Variants in PHLPP2 observed in about 807,000 individuals in gnomAD.
PHLPP2 encodes PH domain and leucine rich repeat protein phosphatase 2, also known as PH domain leucine-rich repeat-containing protein phosphatase 2.
In PHLPP2, 66 loss-of-function variants were observed where a neutral mutation model predicts 124.9. That is an observed-to-expected ratio of 0.53 (90% confidence interval 0.43 to 0.65). PHLPP2 has a LOEUF of 0.65. PHLPP2 is among the 30% of genes least tolerant of loss of function. The pLI, the probability that PHLPP2 is intolerant of heterozygous loss-of-function variation, is 0.00. For synonymous variants in PHLPP2, 681 were observed against 624.7 expected (o/e 1.09, Z -1.34); for missense variants, 1,685 against 1,600.4 (o/e 1.05, Z -0.90).
Position 71,667,256 on chromosome 16 carries a change from T to G in PHLPP2, c.1706A>C (p.His569Pro), listed in dbSNP as rs1218948665. 2.5e-6 allele frequency: 4 copies of G among 1,613,922 alleles called. No homozygotes were observed. The highest frequency in any genetic ancestry group is 3.4e-6 in the Non-Finnish European group (4 of 1,179,876). The part of the protein sequence containing the change: ...HVQNLPTLVE[H>P]IPLEVLDLQH... Reference sequence around the variant, plus strand: ...AAGATCCAGCACCTCGAGGGGGATGTGCTCTACCAGTGTTGGAAGGTTTTG... The same window carrying G: ...AAGATCCAGCACCTCGAGGGGGATGGGCTCTACCAGTGTTGGAAGGTTTTG... Residue 569 changes from histidine to proline, a missense_variant, in exon 12 of 19, where the codon CAC (histidine) becomes CCC (proline). By Grantham distance (77) the His-to-Pro change is moderately conservative. Coordinates refer to ENST00000568954, the MANE Select transcript of PHLPP2 (RefSeq NM_015020.3).
chr16:71,696,037 T>C (rs1180069916), intron 3 of PHLPP2, among the ~76,000 whole-genome samples: 1 of 152,074 alleles, frequency 6.6e-6, no homozygotes. Flanking sequence ...ACCCAATGTT[T>C]TAAATGCAAA....
intron 17 of PHLPP2, 36 bp from the exon 18 acceptor site, chr16:71,653,057 C>T (rs1165881315): frequency 1.5e-6 from 2 of 1,356,936 alleles, no homozygotes; most frequent in Admixed American, 3.4e-5. Flanking sequence ...GACGTGGTGG[C>T]TAGTTTTAGA....
chr16:71,685,136 A>G (rs965735567), intron 4 of PHLPP2, among the ~76,000 whole-genome samples: 5 of 152,148 alleles, frequency 3.3e-5, no homozygotes, highest in Admixed American at 6.5e-5. Flanking sequence ...GACGAGCCTG[A>G]TCAACATAGT....
chr16:71,724,572 TTTTC>T lies in PHLPP2; in HGVS notation c.-254_-251del, dbSNP rs1006752082. The T allele has an allele frequency of 2.8e-4, 42 of 152,352 alleles. No homozygotes were observed. The highest frequency in any genetic ancestry group is 7.9e-4 in the African/African-American group (33 of 41,586). 9.4% of individuals were successfully genotyped at this position (152,352 alleles called of 1,614,324 possible). ...AACTTTTAAAAGTTAACTTCTTTTC[TTTTC>T]TTTGTTTTGTTTTTCTTTTCGTTCT... On this transcript the variant is annotated 5_prime_UTR_variant, in exon 1 of 19. Coordinates refer to ENST00000568954, the MANE Select transcript of PHLPP2 (RefSeq NM_015020.3).
In PHLPP2 at chr16:71,704,655, C is replaced by T. The variant is rs369368331; in HGVS notation, c.285-1924G>A. ...GGGGAATGATCAAAGAAAAAAAAGC[C>T]TGTAACGACCAATAAAGATTGAATT... is the stretch of plus-strand genomic sequence containing the variant. On this transcript the variant is annotated intron_variant, in intron 2 of 18. Transcript: ENST00000568954. Among the ~76,000 whole-genome samples the T allele has an allele frequency of 3.1e-4, 47 of 152,136 alleles. 2 individuals carry two copies. In the South Asian group the frequency reaches 9.5e-3, roughly 31 times the overall value.
intron 10 of PHLPP2, 42 bp from the exon 11 acceptor site, chr16:71,669,412 A>G (rs1433516082): frequency 7.2e-7 from 1 of 1,390,336 alleles, no homozygotes; most frequent in Admixed American, 1.7e-5. Flanking sequence ...TTAAGATGAC[A>G]AGTGGAACTC....
intron 1 of PHLPP2, among the ~76,000 whole-genome samples, chr16:71,719,709 T>C (rs1424957670): frequency 6.7e-6 from 1 of 148,414 alleles, no homozygotes; most frequent in African/African-American, 2.4e-5. Flanking sequence ...GGAGACTCTG[T>C]CTTTAAAAAA....
intron 15 of PHLPP2, among the ~76,000 whole-genome samples, chr16:71,657,312 A>G (rs1014341582): frequency 2.6e-5 from 4 of 151,796 alleles, no homozygotes; most frequent in African/African-American, 9.7e-5. Flanking sequence ...TCCTGACCTC[A>G]GGTGATCCAC....
In PHLPP2 at chr16:71,647,970, C is replaced by T. The variant is rs1184252678; in HGVS notation, c.*920G>A. 1.3e-5 allele frequency: 2 copies of T among 152,556 alleles called. No individual in the cohort carries two copies. Among genetic ancestry groups the T allele is most frequent in the African/African-American group, 4.8e-5 (2 of 41,398 alleles). The allele number at this position is 152,556 out of a possible 1,614,324, so 9.5% of individuals were successfully genotyped here. A position where few individuals can be genotyped will look rare whatever the true frequency, so the allele number is the denominator to read the frequency against. On this transcript the variant is annotated 3_prime_UTR_variant, in exon 19 of 19. Transcript: ENST00000568954. ...CGGGCTGCCTCTAAGAAGATTGGCT[C>T]GAGTGCAGATTCAAAAATAAAAAGT...
In PHLPP2 at chr16:71,657,253, T is replaced by A. The variant is rs542370473; in HGVS notation, c.2280-572A>T. ...CCACCGCTCCCGGCTAATTTTTGTA[T>A]TTTTAATAGGGATGGAGTTTTGTCA... On this transcript the variant is annotated intron_variant, in intron 15 of 18. Transcript: ENST00000568954. 5.7e-4 allele frequency among the ~76,000 whole-genome samples: 87 copies of A among 152,190 alleles called. 2 individuals are homozygous for A. The South Asian group carries it at 0.018, about 31-fold the overall frequency.
chr16:71,681,814 T>C lies in PHLPP2; in HGVS notation c.827A>G (p.Tyr276Cys), dbSNP rs774406482. Reference sequence around the variant, plus strand: ...CATGAAGTTGTGTCGCAAGTTGAGGTAGGTAATATCTTGACTATAGAAGAG... The same window carrying C: ...CATGAAGTTGTGTCGCAAGTTGAGGCAGGTAATATCTTGACTATAGAAGAG... The part of the protein sequence containing the change: ...EHLFYSQDIT[Y>C]LNLRHNFMQL... Residue 276 changes from tyrosine to cysteine, a missense_variant, in exon 6 of 19, where the codon TAC (tyrosine) becomes TGC (cysteine). Physicochemically the swap from Tyr to Cys is radical, Grantham distance 194 (BLOSUM62 -2). Transcript: ENST00000568954. 402 of 1,613,754 alleles carry C rather than the reference T, an allele frequency of 2.5e-4. No individual in the cohort carries two copies. The highest frequency in any genetic ancestry group is 3.2e-4 in the Non-Finnish European group (381 of 1,179,902).
intron 4 of PHLPP2, among the ~76,000 whole-genome samples, chr16:71,687,862 T>C (rs1003483934): frequency 6.6e-6 from 1 of 152,218 alleles, no homozygotes; most frequent in African/African-American, 2.4e-5. Context: ...CTATTAGATG[T>C]ATACCAGAGC....
At position 71,649,941 on chromosome 16, in the gene PHLPP2, G is replaced by C; in HGVS notation, c.2921C>G (p.Thr974Ser). The change falls in exon 19 of 19, where the codon ACC becomes AGC. Residue 974 changes from threonine to serine, a missense_variant. Thr to Ser is a moderately conservative substitution (Grantham distance 58, BLOSUM62 1). Transcript: ENST00000568954. Reference protein sequence around the residue: ...PKPHISSTPLTIQDELLILGN... With the variant: ...PKPHISSTPLSIQDELLILGN... ...CAGAATCAGCAACTCATCTTGAATGGTCAGCGGAGTGGAAGATATGTGGGG... is the reference window on the plus strand; with the variant it reads ...CAGAATCAGCAACTCATCTTGAATGCTCAGCGGAGTGGAAGATATGTGGGG... 2 of 1,614,146 alleles carry C rather than the reference G, an allele frequency of 1.2e-6. No homozygotes were observed. Among genetic ancestry groups the C allele is most frequent in the South Asian group, 2.2e-5 (2 of 91,084 alleles).
chr16:71,679,434 C>A lies in PHLPP2; in HGVS notation c.992G>T (p.Cys331Phe). Residue 331 changes from cysteine to phenylalanine, a missense_variant, in exon 7 of 19, where the codon TGT becomes TTT. Physicochemically the swap from Cys to Phe is radical, Grantham distance 205 (BLOSUM62 -2). Transcript: ENST00000568954. Reference sequence around the variant, plus strand: ...ACTTGGTAGGTCATGAAATCCATTACAGGAAAGGTTGAGCTCAGTCAGGGT... The same window carrying A: ...ACTTGGTAGGTCATGAAATCCATTAAAGGAAAGGTTGAGCTCAGTCAGGGT... ...ISTLTELNLS[C>F]NGFHDLPSQI... 6.2e-7 allele frequency: 1 copy of A among 1,613,858 alleles called. No individual in the cohort carries two copies. The highest frequency in any genetic ancestry group is 8.5e-7 in the Non-Finnish European group (1 of 1,179,822).
At chr16:71,690,919 G>A (rs1173124604) in intron 3 of PHLPP2, among the ~76,000 whole-genome samples, 2 of 152,114 alleles carry the variant, frequency 1.3e-5, no homozygotes, top group Non-Finnish European at 2.9e-5. Flanking sequence ...AAGCAAAATT[G>A]TACTTTGGAT....
At chr16:71,667,438 T>C in intron 11 of PHLPP2, 105 bp from the exon 12 acceptor site, 1 of 873,174 alleles carries the variant, frequency 1.1e-6, no homozygotes, top group Non-Finnish European at 1.8e-6. Context: ...TATAGAAACA[T>C]ATTCTCCTAG....
chr16:71,660,594 T>G (rs2044780787), intron 13 of PHLPP2, among the ~76,000 whole-genome samples: 3 of 151,612 alleles, frequency 2.0e-5, no homozygotes, highest in Admixed American at 6.6e-5. Context: ...CCCGGCTAAT[T>G]TTTTGTATTT....
intron 10 of PHLPP2, among the ~76,000 whole-genome samples, chr16:71,670,515 G>C (rs1332987874): frequency 1.3e-5 from 2 of 152,090 alleles, no homozygotes; most frequent in Admixed American, 6.6e-5. Context: ...GCTGTTAGAG[G>C]GATAAGCAGA....
At chr16:71,669,181 C>G in intron 11 of PHLPP2, 94 bp downstream of exon 11, 2 of 788,020 alleles carry the variant, frequency 2.5e-6, no homozygotes, top group Non-Finnish European at 4.2e-6. Context: ...ACACACTGAA[C>G]AAATAAAAGG....
Sources: gnomAD v4.1 joint callset for allele counts (sites outside exome capture counted in the v4.1 genomes callset) on GRCh38, gnomAD v4.1.1 for gene constraint, MANE v1.5 for transcripts, NCBI Gene and HGNC (gene_info 2026-07-23, HGNC 2026-07-21) for gene names.